Variants in EMCN observed in about 807,000 individuals in gnomAD.
The protein encoded by EMCN is MUC-14.
EMCN carries 37 observed loss-of-function variants against 38.4 expected under a neutral mutation model. The ratio of observed to expected loss-of-function variants is 0.96; its 90% CI spans 0.74 to 1.27. The LOEUF is 1.27. EMCN is among the 50% of genes most tolerant of loss of function. The pLI is 0.00. For synonymous variants in EMCN, 95 were observed against 100.8 expected (o/e 0.94, Z 0.35); for missense variants, 318 against 302.8 (o/e 1.05, Z -0.37).
chr4:100,457,038 G>A (rs111374618), intron 4 of EMCN, among the ~76,000 whole-genome samples: 3,154 of 151,960 alleles, frequency 0.021, 118 homozygotes, highest in African/African-American at 0.072. Context: ...AAATATTTTA[G>A]TATTATGAAA....
At chr4:100,404,727 G>A (rs1726347070) in intron 11 of EMCN, among the ~76,000 whole-genome samples, 1 of 152,016 alleles carries the variant, frequency 6.6e-6, no homozygotes, top group Admixed American at 6.6e-5. Context: ...TTTCAGAATA[G>A]CTTTTTTCTA....
chr4:100,430,880 TA>T (rs1553927634), intron 5 of EMCN, among the ~76,000 whole-genome samples: 1 of 152,132 alleles, frequency 6.6e-6, no homozygotes, highest in Non-Finnish European at 1.5e-5. Context: ...AATCCTATGT[TA>T]AAAAAATCTA....
chr4:100,398,418 A>C (rs975830007), intron 11 of EMCN, 45 bp from the exon 12 acceptor site: 1 of 152,044 alleles, frequency 6.6e-6, no homozygotes, highest in Non-Finnish European at 1.5e-5. Flanking sequence ...CAAAGTTCAG[A>C]TTCCAAGAAA....
chr4:100,451,459 G>T (rs1250933511), intron 4 of EMCN, among the ~76,000 whole-genome samples: 3 of 151,800 alleles, frequency 2.0e-5, no homozygotes, highest in African/African-American at 7.2e-5. Flanking sequence ...TATAAATCAG[G>T]CATAGTGGGC....
chr4:100,463,207 C>G lies in EMCN; in HGVS notation c.376+2216G>C, dbSNP rs146272940. Among the ~76,000 whole-genome samples, 207 of 152,204 alleles carry G rather than the reference C, an allele frequency of 1.4e-3. 1 individual carries two copies. Among genetic ancestry groups the G allele is most frequent in the African/African-American group, 4.6e-3 (193 of 41,546 alleles). On this transcript the variant is annotated intron_variant, in intron 4 of 11. Transcript: ENST00000296420. ...CTAGCTTCTACTTGTCTCTCTGCCT[C>G]GCACAAACATTTTAATTTTGCTCAC...
At chr4:100,410,417 G>A in intron 10 of EMCN, 62 bp from the exon 11 acceptor site, 1 of 1,486,554 alleles carries the variant, frequency 6.7e-7, no homozygotes, top group Non-Finnish European at 9.2e-7. Flanking sequence ...TGAAAATAAA[G>A]TTTCCTAGCT....
intron 11 of EMCN, among the ~76,000 whole-genome samples, chr4:100,400,100 C>T (rs1233885502): frequency 6.6e-6 from 1 of 152,038 alleles, no homozygotes; most frequent in Non-Finnish European, 1.5e-5. Context: ...GCCTTGTTTC[C>T]CAGCCAGAGG....
chr4:100,435,310 A>C (rs1727319622), intron 5 of EMCN, among the ~76,000 whole-genome samples: 1 of 152,152 alleles, frequency 6.6e-6, no homozygotes, highest in South Asian at 2.1e-4. Context: ...TAGGAATAAA[A>C]CTAACAAGGG....
In EMCN at chr4:100,479,920, T is replaced by C. The variant is rs1728761395; in HGVS notation, c.184A>G (p.Lys62Glu). 7 of 1,606,416 alleles carry C rather than the reference T, an allele frequency of 4.4e-6. No homozygotes were observed. Among genetic ancestry groups the C allele is most frequent in the Non-Finnish European group, 5.9e-6 (7 of 1,177,030 alleles). Residue 62 changes from lysine (K) to glutamate (E), a missense_variant, in exon 2 of 12, where the codon AAA (lysine) becomes GAA (glutamate). By Grantham distance (56) the Lys-to-Glu change is moderately conservative. Coordinates refer to ENST00000296420, the MANE Select transcript of EMCN (RefSeq NM_016242.4). ...ATTTACTAACAGTTAATCCTACCTT[T>C]AGGAGTTGTTCCAGTTGTTGGTGTG... ...VVTPTTGTTP[K>E]GTITNELLKM...
intron 1 of EMCN, chr4:100,483,378 A>G (rs1728861078): frequency 2.0e-5 from 3 of 152,134 alleles, no homozygotes; most frequent in Non-Finnish European, 4.4e-5. Flanking sequence ...ATGCAAAGCT[A>G]CATACCTCAG....
At chr4:100,478,510 C>A (rs1222136704) in intron 2 of EMCN, among the ~76,000 whole-genome samples, 1 of 151,868 alleles carries the variant, frequency 6.6e-6, no homozygotes, top group African/African-American at 2.4e-5. Flanking sequence ...AGTCTGGGTT[C>A]CCTTCAAAGT....
At chr4:100,473,631 A>G (rs1348592976) in intron 3 of EMCN, among the ~76,000 whole-genome samples, 1 of 151,996 alleles carries the variant, frequency 6.6e-6, no homozygotes, top group Non-Finnish European at 1.5e-5. Context: ...TGAGGAGCAT[A>G]GTGGCCAGAC....
At chr4:100,483,380 A>G (rs1203817483) in intron 1 of EMCN, 1 of 152,170 alleles carries the variant, frequency 6.6e-6, no homozygotes, top group African/African-American at 2.4e-5. Flanking sequence ...GCAAAGCTAC[A>G]TACCTCAGCT....
intron 4 of EMCN, among the ~76,000 whole-genome samples, chr4:100,455,509 G>GTTTT (rs11432936): frequency 4.5e-5 from 6 of 133,532 alleles, no homozygotes; most frequent in Non-Finnish European, 6.2e-5. Context: ...AGGGTGAAAA[G>GTTTT]TTTTTTTTTT....
chr4:100,424,876 A>AT (rs974514289), intron 5 of EMCN, among the ~76,000 whole-genome samples: 4 of 152,052 alleles, frequency 2.6e-5, no homozygotes, highest in African/African-American at 9.7e-5. Flanking sequence ...TCAAGGGTTA[A>AT]TTGTCCTACC....
intron 1 of EMCN, among the ~76,000 whole-genome samples, chr4:100,512,203 T>G (rs1315007703): frequency 6.6e-6 from 1 of 152,004 alleles, no homozygotes; most frequent in Non-Finnish European, 1.5e-5. Flanking sequence ...TCTTCTACTT[T>G]GGGACTAATT....
intron 8 of EMCN, among the ~76,000 whole-genome samples, chr4:100,421,074 A>G (rs377084223): frequency 6.6e-6 from 1 of 152,196 alleles, no homozygotes; most frequent in South Asian, 2.1e-4. Context: ...TATATTTGAT[A>G]ATATCTACTC....
chr4:100,456,149 T>C (rs1460835891), intron 4 of EMCN, among the ~76,000 whole-genome samples: 1 of 152,130 alleles, frequency 6.6e-6, no homozygotes, highest in African/African-American at 2.4e-5. Flanking sequence ...TCTTCTGAAA[T>C]TGTATGTATC....
chr4:100,484,703 T>A (rs1424161101), intron 1 of EMCN, among the ~76,000 whole-genome samples: 1 of 152,134 alleles, frequency 6.6e-6, no homozygotes, highest in Non-Finnish European at 1.5e-5. Flanking sequence ...TTCTTCTAGA[T>A]CAACATAAAC....
Sources: gnomAD v4.1 joint callset for allele counts (sites outside exome capture counted in the v4.1 genomes callset) on GRCh38, gnomAD v4.1.1 for gene constraint, MANE v1.5 for transcripts, NCBI Gene and HGNC (gene_info 2026-07-23, HGNC 2026-07-21) for gene names.